VWC2L: variants seen among roughly 807,000 people sequenced by gnomAD.
VWC2L encodes the protein von Willebrand factor C domain containing 2 like.
In VWC2L, 10 loss-of-function variants were observed where a neutral mutation model predicts 21.6. The observed-to-expected ratio is 0.46, with a 90% CI of 0.29 to 0.78. The LOEUF (loss-of-function observed/expected upper bound fraction) is 0.78. Ranked by LOEUF, VWC2L falls within the 30% of genes least tolerant of loss-of-function variation. VWC2L has a pLI of 0.10. For synonymous variants in VWC2L, 96 were observed against 94.3 expected, an observed-to-expected ratio of 1.02 and a Z score of -0.10; for missense variants, 209 against 277.1, an observed-to-expected ratio of 0.75 and a Z score of 1.74.
chr2:214,485,339 T>C (rs930461070), intron 3 of VWC2L, among the ~76,000 whole-genome samples: 10 of 151,996 alleles, frequency 6.6e-5, no homozygotes, highest in Non-Finnish European at 1.2e-4. Context: ...GTATCTTAAC[T>C]ACAACTTGTC....
chr2:214,478,468 C>CA (rs778016834), intron 3 of VWC2L, among the ~76,000 whole-genome samples: 1,528 of 115,708 alleles, frequency 0.013, 11 homozygotes, highest in Middle Eastern at 0.038. Context: ...AACTCCATCT[C>CA]AAAAAAAAAA....
chr2:214,521,506 AT>A (rs1162216349), intron 3 of VWC2L, among the ~76,000 whole-genome samples: 1 of 152,102 alleles, frequency 6.6e-6, no homozygotes, highest in African/African-American at 2.4e-5. Context: ...GTCAATGAGC[AT>A]TTTTTTAATC....
At position 214,575,661 on chromosome 2, in the gene VWC2L, G is replaced by C; in HGVS notation, c.521-11G>C. ...ATTTAATCAACTAATCAATGTATCT[G>C]TGTGTTTCAGGTCCAAACTGCTTTG... On this transcript the variant is annotated splice_polypyrimidine_tract_variant and intron_variant, in intron 3 of 3. Coordinates refer to ENST00000312504, the MANE Select transcript of VWC2L (RefSeq NM_001080500.4). 1.9e-6 allele frequency: 3 copies of C among 1,612,716 alleles called. No homozygotes were observed. Among genetic ancestry groups the C allele is most frequent in the Non-Finnish European group, 2.5e-6 (3 of 1,179,014 alleles).
chr2:214,572,801 C>T (rs1690171962), intron 3 of VWC2L, among the ~76,000 whole-genome samples: 1 of 152,156 alleles, frequency 6.6e-6, no homozygotes, highest in Admixed American at 6.5e-5. Context: ...CACTGTACTA[C>T]TAAAGCTAAT....
Position 214,460,468 on chromosome 2 carries a change from T to TTTTGTGTGTG in VWC2L, c.520+23722_520+23731dup, listed in dbSNP as rs540814538. Among the ~76,000 whole-genome samples, 72 of 152,194 alleles carry TTTTGTGTGTG rather than the reference T, an allele frequency of 4.7e-4. 1 individual carries two copies. Among genetic ancestry groups the TTTTGTGTGTG allele is most frequent in the Admixed American group, 4.3e-3 (66 of 15,282 alleles). On this transcript the variant is annotated intron_variant, in intron 3 of 3. Transcript: ENST00000312504. ...TTCATTCCTTTTTATTCTCTTTGGA[T>TTTTGTGTGTG]TTTGTGTGTGTTTGTGTGTGTGTGC...
At chr2:214,433,873 A>C (rs1559289535) in intron 2 of VWC2L, among the ~76,000 whole-genome samples, 1 of 152,162 alleles carries the variant, frequency 6.6e-6, no homozygotes, top group African/African-American at 2.4e-5. Context: ...TTCTAGCTTG[A>C]AGTCAATGGG....
intron 3 of VWC2L, among the ~76,000 whole-genome samples, chr2:214,455,271 G>C (rs1013906226): frequency 6.6e-6 from 1 of 152,088 alleles, no homozygotes; most frequent in Non-Finnish European, 1.5e-5. Context: ...TTATAACCAT[G>C]AGTTAGCTTT....
chr2:214,478,669 G>A (rs1688560370), intron 3 of VWC2L, among the ~76,000 whole-genome samples: 1 of 152,010 alleles, frequency 6.6e-6, no homozygotes, highest in Non-Finnish European at 1.5e-5. Flanking sequence ...ACACTTCTAG[G>A]CAGGATCCAA....
chr2:214,565,190 A>G (rs920575600), intron 3 of VWC2L, among the ~76,000 whole-genome samples: 1 of 152,070 alleles, frequency 6.6e-6, no homozygotes, highest in African/African-American at 2.4e-5. Flanking sequence ...AGGCATTCAC[A>G]TTTTTTCTCA....
intron 3 of VWC2L, among the ~76,000 whole-genome samples, chr2:214,539,674 T>C (rs1437368874): frequency 6.6e-6 from 1 of 152,182 alleles, no homozygotes; most frequent in Non-Finnish European, 1.5e-5. Context: ...TTCTTATTGA[T>C]AGGCAATTTG....
At chr2:214,481,926 G>A (rs1402449150) in intron 3 of VWC2L, among the ~76,000 whole-genome samples, 4 of 152,226 alleles carry the variant, frequency 2.6e-5, no homozygotes, top group African/African-American at 7.2e-5. Context: ...AATGTTCTTA[G>A]TTAACAGGGG....
intron 3 of VWC2L, among the ~76,000 whole-genome samples, chr2:214,511,804 G>A (rs1221678508): frequency 1.3e-5 from 2 of 149,566 alleles, no homozygotes; most frequent in Admixed American, 6.7e-5. Context: ...TGAATTGGAT[G>A]AAATAATAGT....
intron 3 of VWC2L, among the ~76,000 whole-genome samples, chr2:214,445,853 A>G (rs1325886844): frequency 6.6e-6 from 1 of 152,112 alleles, no homozygotes; most frequent in Non-Finnish European, 1.5e-5. Flanking sequence ...AAATTATACT[A>G]TGACTTCTTA....
chr2:214,423,661 A>G (rs1022108952), intron 2 of VWC2L, among the ~76,000 whole-genome samples: 1 of 152,206 alleles, frequency 6.6e-6, no homozygotes, highest in Non-Finnish European at 1.5e-5. Flanking sequence ...TTTGATACAG[A>G]TTGAGTACAA....
intron 3 of VWC2L, among the ~76,000 whole-genome samples, chr2:214,446,079 T>C (rs1702833663): frequency 6.6e-6 from 1 of 152,216 alleles, no homozygotes; most frequent in African/African-American, 2.4e-5. Context: ...AATTTGAGAA[T>C]TGGGTGCAAA....
intron 2 of VWC2L, among the ~76,000 whole-genome samples, chr2:214,418,184 C>T (rs945679729): frequency 1.3e-5 from 2 of 152,156 alleles, no homozygotes; most frequent in African/African-American, 2.4e-5. Flanking sequence ...TCACTCCTTC[C>T]GTATGTTCCC....
At chr2:214,473,194 C>A (rs1703335792) in intron 3 of VWC2L, among the ~76,000 whole-genome samples, 1 of 152,146 alleles carries the variant, frequency 6.6e-6, no homozygotes, top group Admixed American at 6.6e-5. Flanking sequence ...TCAATCACAT[C>A]CTAATGAATA....
intron 3 of VWC2L, among the ~76,000 whole-genome samples, chr2:214,574,455 C>A (rs1446619554): frequency 6.6e-6 from 1 of 152,082 alleles, no homozygotes; most frequent in African/African-American, 2.4e-5. Flanking sequence ...AGCAAGACTC[C>A]AAATATGAAG....
intron 3 of VWC2L, among the ~76,000 whole-genome samples, chr2:214,568,420 T>C (rs1690100957): frequency 6.6e-6 from 1 of 152,212 alleles, no homozygotes; most frequent in Non-Finnish European, 1.5e-5. Context: ...TATTATGTAT[T>C]AGTCTGTTCT....
Sources: gnomAD v4.1 joint callset for allele counts (sites outside exome capture counted in the v4.1 genomes callset) on GRCh38, gnomAD v4.1.1 for gene constraint, MANE v1.5 for transcripts, NCBI Gene and HGNC (gene_info 2026-07-23, HGNC 2026-07-21) for gene names.